FBXL2: variants seen among roughly 807,000 people sequenced by gnomAD.
FBXL2 encodes the protein F-box and leucine rich repeat protein 2.
In FBXL2, 38 loss-of-function variants were observed where a neutral mutation model predicts 69.2. The ratio of observed to expected loss-of-function variants is 0.55; its 90% CI spans 0.42 to 0.72. The LOEUF is 0.72. Among genes scored for constraint, FBXL2 ranks in the 30% least tolerant of loss-of-function variants. FBXL2 has a pLI of 0.00. For synonymous variants in FBXL2, 192 were observed against 201.3 expected (o/e 0.95, Z 0.39); for missense variants, 354 against 520.3 (o/e 0.68, Z 3.11).
chr3:33,343,561 A>G (rs2040224707), intron 2 of FBXL2, among the ~76,000 whole-genome samples: 1 of 152,142 alleles, frequency 6.6e-6, no homozygotes, highest in African/African-American at 2.4e-5. Context: ...TAGAAATACA[A>G]TATTTAGGAG....
intron 2 of FBXL2, among the ~76,000 whole-genome samples, chr3:33,354,331 T>C (rs1409039632): frequency 6.6e-6 from 1 of 151,862 alleles, no homozygotes; most frequent in Non-Finnish European, 1.5e-5. Flanking sequence ...CTGACCAATA[T>C]AGTGAAACCC....
In FBXL2 at chr3:33,373,888, T is replaced by A. The variant is rs1412424876; in HGVS notation, c.624T>A (p.His208Gln). The A allele has an allele frequency of 3.7e-6, 6 of 1,613,468 alleles. No individual in the cohort carries two copies. Among genetic ancestry groups the A allele is most frequent in the Non-Finnish European group, 4.2e-6 (5 of 1,179,334 alleles). ...TGAAACACATTCAGAATTACTGCCA[T>A]GAGCTTGTGAGCCTCAACTTGCAGT... ...EALKHIQNYCHELVSLNLQSC... is the reference protein window; with the variant it reads ...EALKHIQNYCQELVSLNLQSC... Residue 208 changes from histidine (H) to glutamine (Q), a missense_variant, in exon 9 of 15, where the codon CAT becomes CAA. Physicochemically the swap from His to Gln is conservative, Grantham distance 24 (BLOSUM62 0). Coordinates refer to ENST00000484457, the MANE Select transcript of FBXL2 (RefSeq NM_012157.5).
chr3:33,349,222 T>G lies in FBXL2; in HGVS notation c.66-9745T>G, dbSNP rs556539952. On this transcript the variant is annotated intron_variant, in intron 2 of 14. Transcript: ENST00000484457. ...GCTTTCAGTTTTTCTGCATTCAGTA[T>G]GATACTAGCTGTGAGTCTGTTCTGT... 1.9e-4 allele frequency among the ~76,000 whole-genome samples: 29 copies of G among 152,318 alleles called. 2 individuals are homozygous for G. The South Asian group carries it at 5.8e-3, about 30-fold the overall frequency.
rs1300296787 is a variant in FBXL2, at chr3:33,373,270, A to G, written c.370A>G (p.Ser124Gly). ...CTKITDSTCYSLSRFCSKLKH... is the reference protein window; with the variant it reads ...CTKITDSTCYGLSRFCSKLKH... ...TCTGCTCTTTTTCAGCACGTGTTAT[A>G]GCCTTAGCAGATTCTGTTCCAAGCT... The change falls in exon 7 of 15, where the codon AGC (serine) becomes GGC (glycine). Residue 124 changes from serine (S) to glycine (G), a missense_variant. Transcript: ENST00000484457. The G allele has an allele frequency of 1.2e-6, 2 of 1,614,160 alleles. No homozygotes were observed. The highest frequency in any genetic ancestry group is 8.5e-7 in the Non-Finnish European group (1 of 1,179,994).
At chr3:33,419,628 CA>C in the FBXL2 span, among the ~76,000 whole-genome samples, 719 of 100,778 alleles carry the variant, frequency 7.1e-3, 4 homozygotes, top group African/African-American at 0.017. Context: ...GACTCCATCT[CA>C]AAAAAAAAAA....
At chr3:33,300,670 A>G (rs138710414) in intron 2 of FBXL2, 1 of 147,184 alleles carries the variant, frequency 6.8e-6, no homozygotes, top group African/African-American at 2.5e-5. Flanking sequence ...CAGACTTTCC[A>G]TTCTCTGTGT....
intron 2 of FBXL2, among the ~76,000 whole-genome samples, chr3:33,320,184 T>G (rs1174576150): frequency 2.0e-5 from 3 of 152,176 alleles, no homozygotes; most frequent in African/African-American, 7.2e-5. Context: ...ATATAGGGAC[T>G]GCTCTATAAG....
chr3:33,349,394 A>G (rs2154035608), intron 2 of FBXL2, among the ~76,000 whole-genome samples: 1 of 152,256 alleles, frequency 6.6e-6, no homozygotes, highest in East Asian at 1.9e-4. Context: ...TGTTGATATG[A>G]TGCATCACAT....
intron 12 of FBXL2, among the ~76,000 whole-genome samples, chr3:33,395,775 A>C (rs1316534180): frequency 2.8e-5 from 4 of 145,452 alleles, no homozygotes; most frequent in Non-Finnish European, 4.5e-5. Context: ...AAAAAAAAAG[A>C]AAAAGGAAAG....
chr3:33,336,784 A>T (rs1302451442), intron 2 of FBXL2, among the ~76,000 whole-genome samples: 1 of 152,116 alleles, frequency 6.6e-6, no homozygotes, highest in Non-Finnish European at 1.5e-5. Context: ...GTGCACTTGT[A>T]GTCCCAGCTA....
At chr3:33,285,111 C>A (rs570400917) in intron 1 of FBXL2, among the ~76,000 whole-genome samples, 124 of 152,202 alleles carry the variant, frequency 8.1e-4, no homozygotes, top group African/African-American at 2.6e-3. Context: ...TTTGCTCGTT[C>A]GTTGATGCAG....
chr3:33,384,655 G>A (rs1416214232), intron 14 of FBXL2, among the ~76,000 whole-genome samples: 4 of 152,150 alleles, frequency 2.6e-5, no homozygotes, highest in Non-Finnish European at 5.9e-5. Flanking sequence ...TCTTCAAAAT[G>A]TTCTTGCTTA....
At chr3:33,289,005 A>C (rs898330386) in intron 1 of FBXL2, among the ~76,000 whole-genome samples, 1 of 152,074 alleles carries the variant, frequency 6.6e-6, no homozygotes, top group African/African-American at 2.4e-5. Context: ...GGAAGAAGGA[A>C]CTGCCATTTG....
At chr3:33,379,121 C>G (rs1276574804) in intron 13 of FBXL2, among the ~76,000 whole-genome samples, 1 of 152,102 alleles carries the variant, frequency 6.6e-6, no homozygotes, top group Non-Finnish European at 1.5e-5. Context: ...AATTCTCCTC[C>G]TCAGCCTTGC....
chr3:33,338,209 C>CA (rs1168207435), intron 2 of FBXL2, among the ~76,000 whole-genome samples: 1 of 152,048 alleles, frequency 6.6e-6, no homozygotes, highest in African/African-American at 2.4e-5. Context: ...ATCAGGAGTT[C>CA]AAGACCAGCC....
Position 33,359,338 on chromosome 3 carries a change from A to G in FBXL2, c.176A>G (p.Asn59Ser), listed in dbSNP as rs774554520. 6.2e-7 allele frequency: 1 copy of G among 1,611,748 alleles called. No homozygotes were observed. Among genetic ancestry groups the G allele is most frequent in the South Asian group, 1.1e-5 (1 of 90,858 alleles). The change falls in exon 4 of 15, where the codon AAC (asparagine) becomes AGC (serine). Residue 59 changes from asparagine to serine, a missense_variant. Physicochemically the swap from Asn to Ser is conservative, Grantham distance 46. Transcript: ENST00000484457. ...GSNWQRIDLF[N>S]FQTDVEGRVV... ...AACTGGCAAAGAATAGATCTTTTTAACTTTCAAACAGATGTAGAGGTAAGT... is the reference window on the plus strand; with the variant it reads ...AACTGGCAAAGAATAGATCTTTTTAGCTTTCAAACAGATGTAGAGGTAAGT...
chr3:33,356,689 G>A (rs889967558), intron 2 of FBXL2, among the ~76,000 whole-genome samples: 2 of 152,074 alleles, frequency 1.3e-5, no homozygotes, highest in Non-Finnish European at 2.9e-5. Flanking sequence ...CAGGAGAGGG[G>A]CAATTACAAA....
intron 10 of FBXL2, 52 bp from the exon 11 acceptor site, chr3:33,377,221 C>T: frequency 1.3e-6 from 2 of 1,516,342 alleles, no homozygotes; most frequent in Non-Finnish European, 1.8e-6. Context: ...TATGTGTTTC[C>T]ATTATTAACT....
rs531537378 is a variant in FBXL2 at position 33,358,047 on chromosome 3, AT to A, written c.66-918del. 1.9e-3 allele frequency among the ~76,000 whole-genome samples: 288 copies of A among 152,264 alleles called. 1 individual carries two copies. The highest frequency in any genetic ancestry group is 6.1e-3 in the African/African-American group (254 of 41,540). ...TCCGTGGATTTTTATCTCACCACCG[AT>A]TGTTGCCTTTGAAGAATTTTGAGGA... is the stretch of plus-strand genomic sequence containing the variant. On this transcript the variant is annotated intron_variant, in intron 2 of 14. Coordinates refer to ENST00000484457, the MANE Select transcript of FBXL2 (RefSeq NM_012157.5).
Sources: allele counts gnomAD v4.1 joint callset (sites outside exome capture counted in the v4.1 genomes callset), GRCh38; gene constraint gnomAD v4.1.1; transcripts MANE v1.5; gene names NCBI Gene and HGNC (gene_info 2026-07-23, HGNC 2026-07-21).